Variants in LPP observed in about 807,000 individuals in gnomAD.
LPP encodes LIM domain containing preferred translocation partner in lipoma.
Under a neutral mutation model 60.4 loss-of-function variants are expected in LPP, and 38 were observed. The observed-to-expected ratio is 0.63, with a 90% CI of 0.49 to 0.83. The LOEUF is 0.83. Ranked by LOEUF, LPP falls within the 40% of genes least tolerant of loss-of-function variation. The pLI is 0.00. For missense variants in LPP, 902 were observed against 783.6 expected (o/e 1.15, Z -1.80); for synonymous variants, 328 against 290.8 (o/e 1.13, Z -1.30).
intron 4 of LPP, among the ~76,000 whole-genome samples, chr3:188,458,033 T>A (rs1269788392): frequency 6.6e-6 from 1 of 152,198 alleles, no homozygotes; most frequent in Non-Finnish European, 1.5e-5. Context: ...AGATATTGTA[T>A]TTTTAGTTCA....
chr3:188,183,018 A>G (rs1340195322), intron 1 of LPP, among the ~76,000 whole-genome samples: 2 of 152,128 alleles, frequency 1.3e-5, no homozygotes, highest in East Asian at 3.9e-4. Flanking sequence ...AAAGAGGTCA[A>G]TGAGCATCCC....
intron 3 of LPP, among the ~76,000 whole-genome samples, chr3:188,397,294 G>A (rs1298953197): frequency 6.6e-6 from 1 of 152,126 alleles, no homozygotes; most frequent in Admixed American, 6.6e-5. Flanking sequence ...CTAAATCTCG[G>A]TATTTGAATA....
At chr3:188,164,998 T>G (rs866959494) in intron 1 of LPP, among the ~76,000 whole-genome samples, 1 of 151,924 alleles carries the variant, frequency 6.6e-6, no homozygotes, top group Non-Finnish European at 1.5e-5. Flanking sequence ...AGGGGCTAGG[T>G]GCAGTAGCTC....
At chr3:188,823,284 A>C (rs574746877) in intron 9 of LPP, among the ~76,000 whole-genome samples, 17 of 152,312 alleles carry the variant, frequency 1.1e-4, no homozygotes, top group Admixed American at 7.9e-4. Flanking sequence ...TCTCCTCCTA[A>C]TGCCATCTAA....
rs1352221893 is a variant in LPP, at chr3:188,686,346, CT to C, written c.1114-21920del. 1.6e-4 allele frequency among the ~76,000 whole-genome samples: 25 copies of C among 152,298 alleles called. 2 individuals are homozygous for C. The highest frequency in any genetic ancestry group is 5.8e-4 in the African/African-American group (24 of 41,568). On this transcript the variant is annotated intron_variant, in intron 7 of 11. Coordinates refer to ENST00000617246, the MANE Select transcript of LPP (RefSeq NM_001375462.1). Reference sequence around the variant, plus strand: ...AAGAGAGGGCACAGCAAGATCTATACTCCTTTAAACTAAGGTAACCCACTTC... The same window carrying C: ...AAGAGAGGGCACAGCAAGATCTATACCCTTTAAACTAAGGTAACCCACTTC...
At chr3:188,412,279 T>A (rs1785095605) in intron 4 of LPP, among the ~76,000 whole-genome samples, 1 of 152,186 alleles carries the variant, frequency 6.6e-6, no homozygotes, top group South Asian at 2.1e-4. Flanking sequence ...AGGAGACATT[T>A]TCCTTTAGTA....
intron 4 of LPP, among the ~76,000 whole-genome samples, chr3:188,452,879 A>G (rs1281157520): frequency 2.0e-5 from 3 of 152,144 alleles, no homozygotes; most frequent in South Asian, 2.1e-4. Context: ...TAAATCTTTT[A>G]TATCTCTTTC....
chr3:188,273,690 G>A (rs1399635621), intron 2 of LPP, among the ~76,000 whole-genome samples: 1 of 142,914 alleles, frequency 7.0e-6, no homozygotes, highest in African/African-American at 2.6e-5. Flanking sequence ...CCACCTCCTG[G>A]GTTCAAGCGA....
At chr3:188,282,673 A>G (rs9856770) in intron 2 of LPP, among the ~76,000 whole-genome samples, 1,764 of 152,162 alleles carry the variant, frequency 0.012, 33 homozygotes, top group African/African-American at 0.041. Flanking sequence ...CCCCATGTTC[A>G]TATTCTTCAT....
At chr3:188,707,942 A>C (rs1865812743) in intron 7 of LPP, among the ~76,000 whole-genome samples, 1 of 152,250 alleles carries the variant, frequency 6.6e-6, no homozygotes, top group African/African-American at 2.4e-5. Flanking sequence ...TTCATAAGAA[A>C]GAAAGACTCA....
intron 9 of LPP, among the ~76,000 whole-genome samples, chr3:188,800,809 C>A (rs1746998788): frequency 6.6e-6 from 1 of 152,154 alleles, no homozygotes; most frequent in Admixed American, 6.5e-5. Context: ...GATTTAGCAT[C>A]ATTTTCTATG....
intron 1 of LPP, among the ~76,000 whole-genome samples, chr3:188,191,350 G>A (rs12486161): frequency 0.047 from 7,214 of 152,302 alleles, 287 homozygotes; most frequent in Admixed American, 0.086. Context: ...CGCTTTGTGT[G>A]CTTGGAGGAA....
chr3:188,872,780 T>C lies in LPP; in HGVS notation c.1710+17T>C. ...CGATGCGAGGTCTGGTTGACAGCCC[T>C]GCCCTGCCAGTCTGTGGCAGGCGTT... On this transcript the variant is annotated intron_variant, in intron 11 of 11. Coordinates refer to ENST00000617246, the MANE Select transcript of LPP (RefSeq NM_001375462.1). 2 of 1,613,092 alleles carry C rather than the reference T, an allele frequency of 1.2e-6. No homozygotes were observed.
chr3:188,783,293 T>A (rs1740421977), intron 9 of LPP, among the ~76,000 whole-genome samples: 1 of 152,108 alleles, frequency 6.6e-6, no homozygotes, highest in African/African-American at 2.4e-5. Flanking sequence ...AGCAAAGACA[T>A]GGAATCAACT....
chr3:188,162,937 C>G (rs1718760083), intron 1 of LPP, among the ~76,000 whole-genome samples: 1 of 152,118 alleles, frequency 6.6e-6, no homozygotes, highest in African/African-American at 2.4e-5. Context: ...TTTGTTTTCT[C>G]CACGTATTCA....
chr3:188,688,450 G>C (rs1416662214), intron 7 of LPP, among the ~76,000 whole-genome samples: 1 of 152,084 alleles, frequency 6.6e-6, no homozygotes, highest in African/African-American at 2.4e-5. Flanking sequence ...TCTTGGCTTT[G>C]TTTGCCCATT....
intron 2 of LPP, among the ~76,000 whole-genome samples, chr3:188,297,241 T>C (rs1748232463): frequency 6.6e-6 from 1 of 152,144 alleles, no homozygotes; most frequent in Non-Finnish European, 1.5e-5. Flanking sequence ...ACTGCCAAGG[T>C]CCATAGTGCA....
rs1479340420 is a variant in LPP at position 188,301,746 on chromosome 3, A to G, written c.-66-39917A>G. On this transcript the variant is annotated intron_variant, in intron 2 of 11. Coordinates refer to ENST00000617246, the MANE Select transcript of LPP (RefSeq NM_001375462.1). Reference sequence around the variant, plus strand: ...CAGTGGCACGATCATAATTCACTGCAACCTCAATGTCCTGGAGTCACTGAA... The same window carrying G: ...CAGTGGCACGATCATAATTCACTGCGACCTCAATGTCCTGGAGTCACTGAA... Among the ~76,000 whole-genome samples, 4 of 152,030 alleles carry G rather than the reference A, an allele frequency of 2.6e-5. No homozygotes were observed. The East Asian group carries it at 7.7e-4, about 29-fold the overall frequency.
intron 9 of LPP, among the ~76,000 whole-genome samples, chr3:188,851,044 A>G (rs923687464): frequency 6.6e-6 from 1 of 152,226 alleles, no homozygotes; most frequent in African/African-American, 2.4e-5. Flanking sequence ...TTATGTCAAA[A>G]TAAGAAAGCT....
Sources: gnomAD v4.1 joint callset for allele counts (sites outside exome capture counted in the v4.1 genomes callset) on GRCh38, gnomAD v4.1.1 for gene constraint, MANE v1.5 for transcripts, NCBI Gene and HGNC (gene_info 2026-07-23, HGNC 2026-07-21) for gene names.